SPOPL: variants seen among roughly 807,000 people sequenced by gnomAD.
SPOPL encodes the protein speckle-type POZ protein-like.
A neutral mutation model predicts 53.8 loss-of-function variants in SPOPL; 23 were observed. The ratio of observed to expected loss-of-function variants is 0.43; its 90% CI spans 0.31 to 0.61. The LOEUF is 0.61. SPOPL is among the 20% of genes least tolerant of loss of function. The pLI is 0.12. For synonymous variants in SPOPL, 164 were observed against 149.7 expected (o/e 1.10, Z -0.70); for missense variants, 442 against 466.9 (o/e 0.95, Z 0.49).
chr2:138,552,356 G>A (rs1685331434), intron 4 of SPOPL, among the ~76,000 whole-genome samples, 198 bp from the exon 5 acceptor site: 1 of 152,024 alleles, frequency 6.6e-6, no homozygotes, highest in Non-Finnish European at 1.5e-5. Flanking sequence ...GGCCAAAATT[G>A]AGTAGGCATA....
chr2:138,522,453 CT>C (rs999389048), intron 1 of SPOPL, among the ~76,000 whole-genome samples: 1 of 151,878 alleles, frequency 6.6e-6, no homozygotes, highest in Non-Finnish European at 1.5e-5. Flanking sequence ...CACCCCCACC[CT>C]TTTTTTTAAA....
chr2:138,565,008 G>A lies in SPOPL; in HGVS notation c.1034+15G>A, dbSNP rs1366727897. On this transcript the variant is annotated intron_variant, in intron 10 of 10. Coordinates refer to ENST00000280098, the MANE Select transcript of SPOPL (RefSeq NM_001001664.3). ...TGGAACAGCAAGTAAGATGACATCA[G>A]TTTCTGACTCAAAGTTGCTCTACAT... 3 of 1,613,706 alleles carry A rather than the reference G, an allele frequency of 1.9e-6. No individual in the cohort carries two copies. The highest frequency in any genetic ancestry group is 3.3e-5 in the Admixed American group (2 of 60,024).
intron 1 of SPOPL, among the ~76,000 whole-genome samples, chr2:138,529,887 G>T (rs1684769312): frequency 6.6e-6 from 1 of 152,020 alleles, no homozygotes; most frequent in Admixed American, 6.5e-5. Context: ...CTGTCATGAG[G>T]GTTTGTTGTA....
Position 138,522,784 on chromosome 2 carries a change from G to A in SPOPL, c.-61+20665G>A, listed in dbSNP as rs1364544220. Among the ~76,000 whole-genome samples, 3 of 152,132 alleles carry A rather than the reference G, an allele frequency of 2.0e-5. No homozygotes were observed. In the East Asian group the frequency reaches 5.8e-4, roughly 29 times the overall value. ...TTTCAGAGACGAGCCTATCCATTTA[G>A]TACACATTTTAGTCAACTTTAAGTA... On this transcript the variant is annotated intron_variant, in intron 1 of 10. Coordinates refer to ENST00000280098, the MANE Select transcript of SPOPL (RefSeq NM_001001664.3).
At chr2:138,513,238 CAAGACA>C (rs1684365776) in intron 1 of SPOPL, among the ~76,000 whole-genome samples, 3 of 152,168 alleles carry the variant, frequency 2.0e-5, no homozygotes. Context: ...GACAACATAG[CAAGACA>C]TTGTCTCTAT....
At chr2:138,522,021 G>A (rs1684569756) in intron 1 of SPOPL, among the ~76,000 whole-genome samples, 2 of 152,250 alleles carry the variant, frequency 1.3e-5, no homozygotes, top group African/African-American at 4.8e-5. Flanking sequence ...ATCCCAGGAC[G>A]ACCTGAGACT....
At position 138,550,603 on chromosome 2, in the gene SPOPL, T is replaced by C; in HGVS notation, c.199T>C (p.Trp67Arg). 4.4e-6 allele frequency: 7 copies of C among 1,591,254 alleles called. No individual in the cohort carries two copies. Among genetic ancestry groups the C allele is most frequent in the Non-Finnish European group, 6.0e-6 (7 of 1,167,716 alleles). ...FSSGPSDKMK[W>R]CLRVNPKGLD... is the part of the protein sequence containing the mutation. ...ATCTGGCCCAAGTGACAAAATGAAA[T>C]GGTAAGATTTTTGTTTGCTTTGAAT... The change falls in exon 3 of 11, where the codon TGG becomes CGG. Residue 67 changes from tryptophan to arginine, a missense_variant and splice_region_variant. Physicochemically the swap from Trp to Arg is moderately radical, Grantham distance 101. Coordinates refer to ENST00000280098, the MANE Select transcript of SPOPL (RefSeq NM_001001664.3).
chr2:138,515,678 A>G (rs963402336), intron 1 of SPOPL, among the ~76,000 whole-genome samples: 6 of 152,184 alleles, frequency 3.9e-5, no homozygotes, highest in African/African-American at 1.2e-4. Flanking sequence ...TTATGTTAGA[A>G]TCATATGTAG....
At position 138,569,283 on chromosome 2, in the gene SPOPL, A is replaced by G. The variant is rs1448682067; in HGVS notation, c.*203A>G. 5.6e-6 allele frequency: 3 copies of G among 532,576 alleles called. No individual in the cohort carries two copies. The highest frequency in any genetic ancestry group is 3.9e-5 in the African/African-American group (2 of 51,458). The allele number at this position is 532,576 out of a possible 1,614,324, so 33.0% of individuals were successfully genotyped here. ...AAATTAGACTGATTAATTCACTTCA[A>G]GGCCTTAAATTATCTTCAATGACTT... On this transcript the variant is annotated 3_prime_UTR_variant, in exon 11 of 11. Transcript: ENST00000280098.
At chr2:138,565,492 GT>G (rs1685641478) in intron 10 of SPOPL, among the ~76,000 whole-genome samples, 1 of 152,144 alleles carries the variant, frequency 6.6e-6, no homozygotes, top group Non-Finnish European at 1.5e-5. Flanking sequence ...TAGTGAACCT[GT>G]AAGGGGTTGG....
chr2:138,550,719 T>C, intron 3 of SPOPL, 115 bp downstream of exon 3: 1 of 1,459,552 alleles, frequency 6.9e-7, no homozygotes, highest in Non-Finnish European at 9.2e-7. Flanking sequence ...TCATATTAGA[T>C]TGGTAGTATG....
At chr2:138,526,433 T>TTAGGGGAG (rs1445711508) in intron 1 of SPOPL, among the ~76,000 whole-genome samples, 3 of 152,136 alleles carry the variant, frequency 2.0e-5, no homozygotes, top group African/African-American at 7.2e-5. Flanking sequence ...ACAAAATAAT[T>TTAGGGGAG]TAGGGGAGTA....
At chr2:138,533,303 C>T (rs573978532) in intron 1 of SPOPL, among the ~76,000 whole-genome samples, 26 of 152,234 alleles carry the variant, frequency 1.7e-4, no homozygotes, top group African/African-American at 3.6e-4. Context: ...ATCTTGTTTG[C>T]TTCCTATAGA....
chr2:138,529,134 T>C (rs906240984), intron 1 of SPOPL, among the ~76,000 whole-genome samples: 16 of 152,166 alleles, frequency 1.1e-4, no homozygotes, highest in African/African-American at 3.4e-4. Flanking sequence ...CTTTGTAATA[T>C]TTGGGGAGAA....
intron 1 of SPOPL, among the ~76,000 whole-genome samples, chr2:138,538,082 T>C (rs1043210633): frequency 1.3e-5 from 2 of 152,210 alleles, no homozygotes; most frequent in African/African-American, 2.4e-5. Context: ...GAGGATACTT[T>C]GTATAATTTA....
rs772847356 is a variant in SPOPL at position 138,569,127 on chromosome 2, A to T, written c.*47A>T. The T allele has an allele frequency of 1.3e-6, 2 of 1,589,276 alleles. No individual in the cohort carries two copies. The highest frequency in any genetic ancestry group is 1.7e-6 in the Non-Finnish European group (2 of 1,164,304). On this transcript the variant is annotated 3_prime_UTR_variant, in exon 11 of 11. Transcript: ENST00000280098. Reference sequence around the variant, plus strand: ...AAATGGAATTGACTTTCACTCCTCCAGGTCCAGAAGGATTCTAATACACAA... The same window carrying T: ...AAATGGAATTGACTTTCACTCCTCCTGGTCCAGAAGGATTCTAATACACAA...
At chr2:138,508,689 T>C (rs1358108594) in intron 1 of SPOPL, among the ~76,000 whole-genome samples, 4 of 152,196 alleles carry the variant, frequency 2.6e-5, no homozygotes, top group Admixed American at 6.5e-5. Context: ...GTTTATTTTA[T>C]TTTTTGGCAG....
At chr2:138,556,940 A>C (rs1685437676) in intron 5 of SPOPL, among the ~76,000 whole-genome samples, 1 of 151,942 alleles carries the variant, frequency 6.6e-6, no homozygotes, top group Non-Finnish European at 1.5e-5. Context: ...GTAGATCACG[A>C]GGTCAAGAGA....
chr2:138,561,219 T>G (rs1685541052), intron 8 of SPOPL, among the ~76,000 whole-genome samples: 1 of 152,156 alleles, frequency 6.6e-6, no homozygotes, highest in Non-Finnish European at 1.5e-5. Context: ...CAGTGACATA[T>G]ATAATTTTCA....
Sources: allele counts gnomAD v4.1 joint callset (sites outside exome capture counted in the v4.1 genomes callset), GRCh38; gene constraint gnomAD v4.1.1; transcripts MANE v1.5; gene names NCBI Gene and HGNC (gene_info 2026-07-23, HGNC 2026-07-21).